Variants in MACROD2 observed in about 807,000 individuals in gnomAD.
The protein encoded by MACROD2 is ADP-ribose glycohydrolase MACROD2.
Under a neutral mutation model 70.4 loss-of-function variants are expected in MACROD2, and 36 were observed. The observed-to-expected ratio is 0.51, with a 90% confidence interval of 0.39 to 0.68. MACROD2 has a LOEUF of 0.68. MACROD2 is among the 30% of genes least tolerant of loss of function. MACROD2 has a pLI of 0.00. For synonymous variants in MACROD2, 172 were observed against 178.8 expected (o/e 0.96, Z 0.30); for missense variants, 496 against 538.4 (o/e 0.92, Z 0.78).
intron 8 of MACROD2, among the ~76,000 whole-genome samples, chr20:15,752,136 T>C (rs1344505652): frequency 6.6e-6 from 1 of 151,998 alleles, no homozygotes; most frequent in Non-Finnish European, 1.5e-5. Context: ...AGTCTTTAGT[T>C]TGCAAAGATC....
At chr20:14,206,811 AAATTCCCATTATATC>A (rs541925339) in intron 3 of MACROD2, among the ~76,000 whole-genome samples, 93 of 152,190 alleles carry the variant, frequency 6.1e-4, no homozygotes, top group African/African-American at 2.2e-3. Flanking sequence ...CTAAGTTCCA[AAATTCCCATTATATC>A]AATTTTACCA....
chr20:15,649,738 T>G (rs1020261998), intron 8 of MACROD2, among the ~76,000 whole-genome samples: 1 of 152,160 alleles, frequency 6.6e-6, no homozygotes, highest in Non-Finnish European at 1.5e-5. Flanking sequence ...GGAGGGGATC[T>G]TTGGGGAGGA....
intron 5 of MACROD2, among the ~76,000 whole-genome samples, chr20:15,136,577 A>G (rs1466610447): frequency 6.6e-6 from 1 of 152,178 alleles, no homozygotes; most frequent in African/African-American, 2.4e-5. Context: ...TGGATTAAAG[A>G]CTTAAATGTT....
intron 5 of MACROD2, among the ~76,000 whole-genome samples, chr20:14,883,734 A>T (rs2073637803): frequency 6.6e-6 from 1 of 152,142 alleles, no homozygotes; most frequent in African/African-American, 2.4e-5. Flanking sequence ...TCTCCAACTT[A>T]ATATAGGGAC....
intron 4 of MACROD2, among the ~76,000 whole-genome samples, chr20:14,604,950 T>A (rs1982711729): frequency 6.6e-6 from 1 of 152,184 alleles, no homozygotes; most frequent in African/African-American, 2.4e-5. Context: ...CATTGGGCAT[T>A]CTACTTAATC....
chr20:15,016,193 T>C (rs2075119651), intron 5 of MACROD2, among the ~76,000 whole-genome samples: 5 of 152,220 alleles, frequency 3.3e-5, no homozygotes, highest in Admixed American at 2.6e-4. Context: ...TCTTGAATAC[T>C]TCCTGAGAAT....
intron 15 of MACROD2, among the ~76,000 whole-genome samples, chr20:16,018,764 AC>A (rs2066963537): frequency 6.6e-6 from 1 of 151,958 alleles, no homozygotes; most frequent in South Asian, 2.1e-4. Context: ...CTTCTCTTGG[AC>A]CTTCAAACAT....
intron 8 of MACROD2, among the ~76,000 whole-genome samples, chr20:15,551,061 C>G (rs1313206912): frequency 6.6e-6 from 1 of 152,162 alleles, no homozygotes; most frequent in African/African-American, 2.4e-5. Context: ...ACTGAAATGT[C>G]CTATGTCCCC....
intron 3 of MACROD2, among the ~76,000 whole-genome samples, chr20:14,450,845 GCAGAAACA>G (rs982534708): frequency 2.0e-5 from 3 of 152,082 alleles, no homozygotes; most frequent in East Asian, 1.9e-4. Flanking sequence ...AGGATTATAA[GCAGAAACA>G]CAGAAACAGG....
At chr20:14,640,801 TAAAA>T (rs1568714958) in intron 4 of MACROD2, among the ~76,000 whole-genome samples, 1 of 152,198 alleles carries the variant, frequency 6.6e-6, no homozygotes, top group Admixed American at 6.5e-5. Flanking sequence ...AAATATTACT[TAAAA>T]AATGCTAGCA....
At chr20:15,953,618 T>C (rs1044159223) in intron 12 of MACROD2, among the ~76,000 whole-genome samples, 4 of 152,188 alleles carry the variant, frequency 2.6e-5, no homozygotes, top group Non-Finnish European at 2.9e-5. Flanking sequence ...AAATGAGTGA[T>C]AAATACTTGA....
intron 3 of MACROD2, among the ~76,000 whole-genome samples, chr20:14,308,043 A>G (rs1484290807): frequency 1.3e-5 from 2 of 152,156 alleles, no homozygotes; most frequent in African/African-American, 4.8e-5. Flanking sequence ...TGTTTCATGA[A>G]TCTTTCTCAG....
At chr20:15,458,538 G>A (rs1375990677) in intron 7 of MACROD2, among the ~76,000 whole-genome samples, 1 of 151,464 alleles carries the variant, frequency 6.6e-6, no homozygotes, top group Non-Finnish European at 1.5e-5. Context: ...GACAAATTTA[G>A]CACTGAATCA....
chr20:15,043,550 C>T (rs2075370886), intron 5 of MACROD2, among the ~76,000 whole-genome samples: 1 of 152,168 alleles, frequency 6.6e-6, no homozygotes, highest in Admixed American at 6.5e-5. Flanking sequence ...TGTCTTGGGC[C>T]CCTGTACTCC....
intron 3 of MACROD2, among the ~76,000 whole-genome samples, chr20:14,145,882 T>C (rs549941251): frequency 6.6e-6 from 1 of 152,340 alleles, no homozygotes; most frequent in African/African-American, 2.4e-5. Flanking sequence ...AATATTAACG[T>C]AATGTTAACA....
chr20:15,386,376 A>G (rs745989636), intron 6 of MACROD2, among the ~76,000 whole-genome samples: 4 of 152,200 alleles, frequency 2.6e-5, no homozygotes, highest in Admixed American at 6.5e-5. Flanking sequence ...TTTAAAAATA[A>G]TTTTATATAA....
intron 4 of MACROD2, among the ~76,000 whole-genome samples, chr20:14,608,298 G>C (rs528251945): frequency 8.5e-4 from 130 of 152,202 alleles, no homozygotes; most frequent in African/African-American, 2.9e-3. Context: ...AAAACATTTA[G>C]TAATTGTGTA....
chr20:15,533,830 C>T (rs2047838280), intron 8 of MACROD2, among the ~76,000 whole-genome samples: 2 of 152,068 alleles, frequency 1.3e-5, no homozygotes, highest in Non-Finnish European at 2.9e-5. Context: ...GAGTGGGAGA[C>T]TTGTCTGGAA....
chr20:14,003,691 C>T, intron 2 of MACROD2: 1 of 482,424 alleles, frequency 2.1e-6, no homozygotes, highest in Admixed American at 2.3e-5. Flanking sequence ...TAGCCAGTCC[C>T]CACAGTGTAA....
Sources: gnomAD v4.1 joint callset for allele counts (sites outside exome capture counted in the v4.1 genomes callset) on GRCh38, gnomAD v4.1.1 for gene constraint, MANE v1.5 for transcripts, NCBI Gene and HGNC (gene_info 2026-07-23, HGNC 2026-07-21) for gene names.